SPEG: variants seen among roughly 807,000 people sequenced by gnomAD.
SPEG encodes striated muscle preferentially expressed protein kinase.
A neutral mutation model predicts 300.4 loss-of-function variants in SPEG; 114 were observed. That is an observed-to-expected ratio of 0.38 (90% CI 0.33 to 0.44). The LOEUF is 0.44. Among genes scored for constraint, SPEG ranks in the 20% least tolerant of loss-of-function variants. SPEG has a pLI of 1.00. For missense variants in SPEG, 4,201 were observed against 4,586.2 expected, an observed-to-expected ratio of 0.92 and a Z score of 2.43; for synonymous variants, 1,964 against 2,018.9, an observed-to-expected ratio of 0.97 and a Z score of 0.73.
Position 219,449,103 on chromosome 2 carries a change from G to A in SPEG, c.1945G>A (p.Glu649Lys), listed in dbSNP as rs1346270387. Reference sequence around the variant, plus strand: ...CCTGCCCTGGGCCACGCCGGGCCTGGAGGGCGCTGCTGTACCCCAGACCTT... The same window carrying A: ...CCTGCCCTGGGCCACGCCGGGCCTGAAGGGCGCTGCTGTACCCCAGACCTT... The part of the protein sequence containing the change: ...RFLPWATPGL[E>K]GAAVPQTLEK... Residue 649 changes from glutamate (E) to lysine (K), a missense_variant, in exon 4 of 41, where the codon GAG becomes AAG. Coordinates refer to ENST00000312358, the MANE Select transcript of SPEG (RefSeq NM_005876.5). 6.7e-7 allele frequency: 1 copy of A among 1,489,204 alleles called. No homozygotes were observed. The highest frequency in any genetic ancestry group is 2.4e-5 in the Admixed American group (1 of 42,092). The allele number at this position is 1,489,204 out of a possible 1,614,324, so 92.2% of individuals were successfully genotyped here. A position where few individuals can be genotyped will look rare whatever the true frequency, so the allele number is the denominator to read the frequency against.
intron 4 of SPEG, 30 bp downstream of exon 4, chr2:219,449,301 C>T: frequency 7.4e-7 from 1 of 1,352,022 alleles, no homozygotes; most frequent in Non-Finnish European, 9.5e-7. Context: ...TGACAAGGTG[C>T]CTGAACCCCC....
intron 8 of SPEG, among the ~76,000 whole-genome samples, chr2:219,462,894 G>A (rs1559386119): frequency 6.6e-6 from 1 of 152,132 alleles, no homozygotes; most frequent in Non-Finnish European, 1.5e-5. Context: ...CTCCAGCCTG[G>A]GTGACAGAGT....
chr2:219,462,094 G>T, intron 7 of SPEG, 37 bp downstream of exon 7: 1 of 1,531,384 alleles, frequency 6.5e-7, no homozygotes, highest in Non-Finnish European at 8.8e-7. Flanking sequence ...CCTCCTGTGT[G>T]CCCCCGTTCC....
intron 8 of SPEG, among the ~76,000 whole-genome samples, chr2:219,463,392 ATTTTTTTTTTTTT>A (rs71040459): frequency 6.7e-4 from 16 of 23,942 alleles, no homozygotes; most frequent in East Asian, 5.1e-3. Context: ...CCCCACTGTG[ATTTTTTTTTTTTT>A]TTTTTTTTTT....
rs1224214970 is a variant in SPEG at position 219,473,741 on chromosome 2, C to G, written c.4285C>G (p.Leu1429Val). The change falls in exon 18 of 41, where the codon CTC becomes GTC. Residue 1429 changes from leucine to valine, a missense_variant. Coordinates refer to ENST00000312358, the MANE Select transcript of SPEG (RefSeq NM_005876.5). The surrounding 1 kb of genome is among the most constrained non-coding windows in gnomAD (Gnocchi z 4.6). ...TGTGTCCCCTAGCTGCCGAGGGGCC[C>G]TCCTAGAGGCACGGGCCGGTGTGTA... ...QVVWRSCRGALLEARAGVYEL... is the reference protein window; with the variant it reads ...QVVWRSCRGAVLEARAGVYEL... 1 of 1,613,448 alleles carries G rather than the reference C, an allele frequency of 6.2e-7. No homozygotes were observed. Among genetic ancestry groups the G allele is most frequent in the South Asian group, 1.1e-5 (1 of 91,056 alleles).
In SPEG at chr2:219,467,211, C is replaced by A. The variant is rs757462910; in HGVS notation, c.2919C>A (p.Pro973=). 71 of 1,594,078 alleles carry A rather than the reference C, an allele frequency of 4.5e-5. No individual in the cohort carries two copies. Among genetic ancestry groups the A allele is most frequent in the Middle Eastern group, 1.7e-4 (1 of 6,042 alleles). ...GCCGGTCCCTGGCCGTGCTGGCCCC[C>A]CTGCAGGACGTGGACGTGGGGGCCG... is the stretch of plus-strand genomic sequence containing the variant. The part of the protein sequence containing the change: ...PESRSLAVLA[P]LQDVDVGAGE... Residue 973 remains proline, a synonymous_variant, in exon 10 of 41, where the codon CCC becomes CCA. Transcript: ENST00000312358.
At chr2:219,488,390 G>A in intron 32 of SPEG, 80 bp downstream of exon 32, 1 of 1,499,702 alleles carries the variant, frequency 6.7e-7, no homozygotes, top group Non-Finnish European at 9.1e-7. Context: ...CTAGGCCGGA[G>A]TGGGGACTGA....
rs1317923855 is a variant in SPEG at position 219,439,833 on chromosome 2, T to C, written c.388+4468T>C. On this transcript the variant is annotated intron_variant, in intron 1 of 40. Transcript: ENST00000312358. This position sits in a 1 kb window ranked among gnomAD's most constrained non-coding sequence, Gnocchi z 4.5. ...CGGAATGTGCCAGCCCCTTGGATTC[T>C]CCTGGGGAACAGGGGCTCAAGTTAC... Among the ~76,000 whole-genome samples, 1 of 152,192 alleles carries C rather than the reference T, an allele frequency of 6.6e-6. No individual in the cohort carries two copies. Among genetic ancestry groups the C allele is most frequent in the East Asian group, 1.9e-4 (1 of 5,192 alleles).
intron 9 of SPEG, chr2:219,466,261 C>T: frequency 7.0e-7 from 1 of 1,429,646 alleles, no homozygotes; most frequent in Non-Finnish European, 9.1e-7. Context: ...GACCCTCCCT[C>T]CCCAAGTGGA....
At chr2:219,488,689 G>A (rs775115952) in intron 33 of SPEG, 24 bp downstream of exon 33, 9 of 1,604,238 alleles carry the variant, frequency 5.6e-6, no homozygotes, top group Admixed American at 1.7e-5. Flanking sequence ...AGGGCCCCAG[G>A]GGGGTAGTGA....
At chr2:219,452,661 G>A (rs544383227) in intron 6 of SPEG, among the ~76,000 whole-genome samples, 4 of 152,214 alleles carry the variant, frequency 2.6e-5, no homozygotes, top group Middle Eastern at 3.4e-3. Context: ...GAGGACATCC[G>A]AGCCGTTGCT....
chr2:219,449,867 C>T (rs1349698596), intron 4 of SPEG, among the ~76,000 whole-genome samples: 1 of 152,168 alleles, frequency 6.6e-6, no homozygotes, highest in African/African-American at 2.4e-5. Flanking sequence ...GGTCCCTACA[C>T]AATGCCTGCC....
chr2:219,451,554 G>A lies in SPEG; in HGVS notation c.2258-71G>A. 2 of 1,383,930 alleles carry A rather than the reference G, an allele frequency of 1.4e-6. No homozygotes were observed. The highest frequency in any genetic ancestry group is 1.9e-6 in the Non-Finnish European group (2 of 1,047,202). The allele number at this position is 1,383,930 out of a possible 1,614,324, so 85.7% of individuals were successfully genotyped here. On this transcript the variant is annotated intron_variant, in intron 5 of 40. Transcript: ENST00000312358. The surrounding 1 kb of genome is among the most constrained non-coding windows in gnomAD (Gnocchi z 6.4). ...AGGTTTGGTCTCCTGTGTGGTGTGTGGGGTAGGAGTAGAGATTCTCAGTGG... is the reference window on the plus strand; with the variant it reads ...AGGTTTGGTCTCCTGTGTGGTGTGTAGGGTAGGAGTAGAGATTCTCAGTGG...
chr2:219,462,281 T>TG lies in SPEG; in HGVS notation c.2617-13dup. Reference sequence around the variant, plus strand: ...TCTGCCCTGTCTTCCCCTGACACTTTGGGGTACCCCCTTCAGGTCTCACTT... The same window carrying TG: ...TCTGCCCTGTCTTCCCCTGACACTTTGGGGGTACCCCCTTCAGGTCTCACTT... On this transcript the variant is annotated splice_polypyrimidine_tract_variant and intron_variant, in intron 7 of 40. Transcript: ENST00000312358. The TG allele has an allele frequency of 6.4e-7, 1 of 1,554,064 alleles. No homozygotes were observed. Among genetic ancestry groups the TG allele is most frequent in the Non-Finnish European group, 8.7e-7 (1 of 1,147,388 alleles).
chr2:219,468,335 A>G (rs1691565268), intron 10 of SPEG, among the ~76,000 whole-genome samples: 1 of 152,180 alleles, frequency 6.6e-6, no homozygotes, highest in South Asian at 2.1e-4. Context: ...CCCTGGGCTC[A>G]GGCCCTGGGC....
Position 219,434,859 on chromosome 2 carries a change from G to A in SPEG, c.-119G>A, listed in dbSNP as rs1008081062. On this transcript the variant is annotated 5_prime_UTR_variant, in exon 1 of 41. Transcript: ENST00000312358. ...CTTCTGGGTAGCACAGGCCGAAGGCGGGCGGGCAGCAGGAAGGCAGGCCGC... is the reference window on the plus strand; with the variant it reads ...CTTCTGGGTAGCACAGGCCGAAGGCAGGCGGGCAGCAGGAAGGCAGGCCGC... 3.1e-6 allele frequency: 2 copies of A among 645,536 alleles called. No homozygotes were observed. Among genetic ancestry groups the A allele is most frequent in the South Asian group, 4.5e-5 (2 of 44,644 alleles). 40.0% of individuals were successfully genotyped at this position (645,536 alleles called of 1,614,324 possible). A position where few individuals can be genotyped will look rare whatever the true frequency, so the allele number is the denominator to read the frequency against.
chr2:219,482,306 C>T (rs1230837803), intron 28 of SPEG: 1 of 171,694 alleles, frequency 5.8e-6, no homozygotes, highest in African/African-American at 2.4e-5. Flanking sequence ...CCTTCTTTCT[C>T]AGACCGGAAA....
At chr2:219,463,396 T>A (rs1360979832) in intron 8 of SPEG, among the ~76,000 whole-genome samples, 1 of 56,488 alleles carries the variant, frequency 1.8e-5, no homozygotes, top group South Asian at 6.1e-4. Flanking sequence ...ACTGTGATTT[T>A]TTTTTTTTTT....
intron 4 of SPEG, among the ~76,000 whole-genome samples, chr2:219,449,673 G>A (rs181233808): frequency 6.0e-4 from 91 of 152,248 alleles, no homozygotes; most frequent in African/African-American, 2.0e-3. Flanking sequence ...CCCTCTGTTG[G>A]GGAGAGATGG....
Sources: gnomAD v4.1 joint callset for allele counts (sites outside exome capture counted in the v4.1 genomes callset) on GRCh38, gnomAD v4.1.1 for gene constraint, Gnocchi (gnomAD v3.1) non-coding constraint, MANE v1.5 for transcripts, NCBI Gene and HGNC (gene_info 2026-07-23, HGNC 2026-07-21) for gene names.